Variants in ZNF804A observed in about 807,000 individuals in gnomAD.
The protein encoded by ZNF804A is zinc finger protein 804A.
In ZNF804A, 2 loss-of-function variants were observed where a neutral mutation model predicts 16.5. That is an observed-to-expected ratio of 0.12 (90% CI 0.05 to 0.38). The LOEUF (loss-of-function observed/expected upper bound fraction) is 0.38, where lower values mean the gene tolerates loss of function less well. Among genes scored for constraint, ZNF804A ranks in the 10% least tolerant of loss-of-function variants. The pLI is 0.99. For missense variants in ZNF804A, 1,473 were observed against 1,390.7 expected (o/e 1.06, Z -0.94); for synonymous variants, 534 against 489.6 (o/e 1.09, Z -1.20).
chr2:184,730,718 A>G (rs1273693064), intron 1 of ZNF804A, among the ~76,000 whole-genome samples: 3 of 152,026 alleles, frequency 2.0e-5, no homozygotes, highest in African/African-American at 7.3e-5. Flanking sequence ...ATTTCTTTTT[A>G]GCACTGAATA....
At chr2:184,878,021 G>A (rs1684736140) in intron 2 of ZNF804A, among the ~76,000 whole-genome samples, 1 of 152,142 alleles carries the variant, frequency 6.6e-6, no homozygotes, top group East Asian at 1.9e-4. Flanking sequence ...TGGACAGAAA[G>A]TGTCTTTTGG....
intron 1 of ZNF804A, among the ~76,000 whole-genome samples, chr2:184,657,393 A>C (rs1018552973): frequency 2.6e-5 from 4 of 152,154 alleles, no homozygotes; most frequent in African/African-American, 9.7e-5. Context: ...GATGTTGCCT[A>C]TGAGATTGAA....
rs148415919 is a variant in ZNF804A at position 184,783,361 on chromosome 2, G to A, written c.112-83008G>A. Among the ~76,000 whole-genome samples, 325 of 151,550 alleles carry A rather than the reference G, an allele frequency of 2.1e-3. 1 individual carries two copies. Among genetic ancestry groups the A allele is most frequent in the Middle Eastern group, 6.8e-3 (2 of 294 alleles). On this transcript the variant is annotated intron_variant, in intron 1 of 3. Coordinates refer to ENST00000302277, the MANE Select transcript of ZNF804A (RefSeq NM_194250.2). ...TAGGCAGATATCTTTATTTGTTAAA[G>A]TACATTTTAAGATATAACCATGAAA...
intron 1 of ZNF804A, among the ~76,000 whole-genome samples, chr2:184,813,076 G>T (rs2105787540): frequency 6.6e-6 from 1 of 152,244 alleles, no homozygotes; most frequent in South Asian, 2.1e-4. Flanking sequence ...CATGGAAGAT[G>T]TCTGAGAGTC....
intron 1 of ZNF804A, among the ~76,000 whole-genome samples, chr2:184,733,391 A>T (rs1300138938): frequency 1.3e-5 from 2 of 152,042 alleles, no homozygotes; most frequent in African/African-American, 4.8e-5. Context: ...CTTAGTTGTG[A>T]TGTATTATTA....
chr2:184,853,869 T>G (rs1260887772), intron 1 of ZNF804A, among the ~76,000 whole-genome samples: 1 of 10,144 alleles, frequency 9.9e-5, no homozygotes, highest in Non-Finnish European at 2.2e-4. Context: ...ATTTTGTTTC[T>G]TTTTTTTTTT....
At position 184,742,718 on chromosome 2, in the gene ZNF804A, A is replaced by C. The variant is rs898508639; in HGVS notation, c.112-123651A>C. Among the ~76,000 whole-genome samples, 27 of 151,476 alleles carry C rather than the reference A, an allele frequency of 1.8e-4. 1 individual carries two copies. The highest frequency in any genetic ancestry group is 1.5e-3 in the Admixed American group (23 of 15,158). ...TAGGATTCTGGTGAAAAAATATAGAAAATAGATAAATAAATATATATATAT... is the reference window on the plus strand; with the variant it reads ...TAGGATTCTGGTGAAAAAATATAGACAATAGATAAATAAATATATATATAT... On this transcript the variant is annotated intron_variant, in intron 1 of 3. Coordinates refer to ENST00000302277, the MANE Select transcript of ZNF804A (RefSeq NM_194250.2).
At chr2:184,708,418 C>T (rs1318066307) in intron 1 of ZNF804A, among the ~76,000 whole-genome samples, 1 of 152,044 alleles carries the variant, frequency 6.6e-6, no homozygotes. Context: ...TTACCCTAAC[C>T]AAAACAGCTT....
intron 1 of ZNF804A, among the ~76,000 whole-genome samples, chr2:184,748,668 A>G (rs1693832043): frequency 6.6e-6 from 1 of 151,010 alleles, no homozygotes; most frequent in African/African-American, 2.4e-5. Context: ...TTGTTGCAAT[A>G]GCTTCTGAAG....
chr2:184,666,350 T>G (rs1300661208), intron 1 of ZNF804A, among the ~76,000 whole-genome samples: 4 of 152,186 alleles, frequency 2.6e-5, no homozygotes, highest in African/African-American at 9.6e-5. Flanking sequence ...TCAAAGCCTA[T>G]GCAGAAAAAC....
At chr2:184,645,898 G>A (rs1691862789) in intron 1 of ZNF804A, among the ~76,000 whole-genome samples, 1 of 152,160 alleles carries the variant, frequency 6.6e-6, no homozygotes, top group Non-Finnish European at 1.5e-5. Context: ...CCCAATACAT[G>A]AGAGAGGCAG....
At chr2:184,732,201 A>G (rs1246066935) in intron 1 of ZNF804A, among the ~76,000 whole-genome samples, 2 of 148,886 alleles carry the variant, frequency 1.3e-5, no homozygotes, top group East Asian at 2.0e-4. Context: ...TTAGGTCTGG[A>G]CTCTATTTGA....
At chr2:184,871,774 T>G (rs1036351948) in intron 2 of ZNF804A, among the ~76,000 whole-genome samples, 5 of 151,996 alleles carry the variant, frequency 3.3e-5, no homozygotes, top group Non-Finnish European at 7.4e-5. Context: ...ATTAGTTGAT[T>G]TAATATTTTA....
intron 1 of ZNF804A, among the ~76,000 whole-genome samples, chr2:184,682,081 A>G (rs1163914005): frequency 6.6e-6 from 1 of 152,220 alleles, no homozygotes; most frequent in Non-Finnish European, 1.5e-5. Flanking sequence ...GAGGGAGACC[A>G]GTGAGGGCTG....
intron 1 of ZNF804A, among the ~76,000 whole-genome samples, chr2:184,865,227 T>A (rs1487512405): frequency 6.6e-6 from 1 of 151,952 alleles, no homozygotes; most frequent in Non-Finnish European, 1.5e-5. Context: ...AATCTGGAAG[T>A]TAGAAACATA....
At chr2:184,829,191 G>C (rs1695220514) in intron 1 of ZNF804A, among the ~76,000 whole-genome samples, 1 of 151,428 alleles carries the variant, frequency 6.6e-6, no homozygotes, top group Admixed American at 6.6e-5. Flanking sequence ...TTATTATATA[G>C]AGTGCATTTA....
chr2:184,689,606 A>G (rs1692697038), intron 1 of ZNF804A, among the ~76,000 whole-genome samples: 1 of 152,104 alleles, frequency 6.6e-6, no homozygotes, highest in African/African-American at 2.4e-5. Flanking sequence ...CTTTAGGACT[A>G]CAAGATAATA....
chr2:184,891,172 G>A (rs570103616), intron 2 of ZNF804A, among the ~76,000 whole-genome samples: 10 of 152,150 alleles, frequency 6.6e-5, no homozygotes, highest in African/African-American at 1.9e-4. Context: ...CCAAGCTGAC[G>A]TTCTCCATAG....
At chr2:184,621,478 T>C (rs967801168) in intron 1 of ZNF804A, among the ~76,000 whole-genome samples, 4 of 151,812 alleles carry the variant, frequency 2.6e-5, no homozygotes, top group African/African-American at 9.7e-5. Flanking sequence ...GTATTGTTCC[T>C]GGATAATTAC....
Sources: gnomAD v4.1 joint callset for allele counts (sites outside exome capture counted in the v4.1 genomes callset) on GRCh38, gnomAD v4.1.1 for gene constraint, MANE v1.5 for transcripts, NCBI Gene and HGNC (gene_info 2026-07-23, HGNC 2026-07-21) for gene names.